LEPR: variants seen among roughly 807,000 people sequenced by gnomAD.
LEPR encodes OB receptor.
In LEPR, 56 loss-of-function variants were observed where a neutral mutation model predicts 114.7. That is an observed-to-expected ratio of 0.49 (90% CI 0.39 to 0.61). LEPR has a LOEUF of 0.61. LEPR is among the 20% of genes least tolerant of loss of function. The pLI, the probability that LEPR is intolerant of heterozygous loss-of-function variation, is 0.00. For missense variants in LEPR, 1,202 were observed against 1,352.9 expected (o/e 0.89, Z 1.75); for synonymous variants, 443 against 461.4 (o/e 0.96, Z 0.51).
chr1:65,571,971 C>CAAA lies in LEPR; in HGVS notation c.371-339_371-337dup, dbSNP rs72311704. Among the ~76,000 whole-genome samples, 21 of 60,654 alleles carry CAAA rather than the reference C, an allele frequency of 3.5e-4. 3 individuals are homozygous for CAAA. Among genetic ancestry groups the CAAA allele is most frequent in the East Asian group, 1.6e-3 (3 of 1,902 alleles). The allele number at this position is 60,654 out of a possible 152,430, so 39.8% of individuals were successfully genotyped here. A position where few individuals can be genotyped will look rare whatever the true frequency, so the allele number is the denominator to read the frequency against. ...TGGGTGACAGAGTGACACCCCATCT[C>CAAA]AAAAAAAAAAAAAAAAAAGGAAAGA... On this transcript the variant is annotated intron_variant, in intron 4 of 19. Coordinates refer to ENST00000349533, the MANE Select transcript of LEPR (RefSeq NM_002303.6).
chr1:65,591,579 T>A (rs1183485395), intron 5 of LEPR, among the ~76,000 whole-genome samples: 1 of 152,110 alleles, frequency 6.6e-6, no homozygotes, highest in African/African-American at 2.4e-5. Flanking sequence ...GAAATGATCA[T>A]CTTTATCCCA....
At chr1:65,552,154 A>T (rs1220851420) in intron 2 of LEPR, among the ~76,000 whole-genome samples, 1 of 152,084 alleles carries the variant, frequency 6.6e-6, no homozygotes, top group African/African-American at 2.4e-5. Flanking sequence ...AATAAGCGCG[A>T]TGTGGTGCTG....
intron 2 of LEPR, among the ~76,000 whole-genome samples, chr1:65,452,815 C>A (rs1007807349): frequency 1.3e-5 from 2 of 152,018 alleles, no homozygotes; most frequent in African/African-American, 4.8e-5. Context: ...GGGAGGATTC[C>A]CTCTTTTTCT....
chr1:65,521,677 AC>A (rs1649642225), intron 2 of LEPR, among the ~76,000 whole-genome samples: 1 of 152,252 alleles, frequency 6.6e-6, no homozygotes, highest in African/African-American at 2.4e-5. Flanking sequence ...GGCTCATTGA[AC>A]ACAATAGTTC....
chr1:65,486,155 C>A (rs1312035942), intron 2 of LEPR, among the ~76,000 whole-genome samples: 1 of 152,120 alleles, frequency 6.6e-6, no homozygotes, highest in Non-Finnish European at 1.5e-5. Context: ...CTTTATGCAA[C>A]TTTCATTCTC....
At chr1:65,532,325 C>T (rs895087171) in intron 2 of LEPR, among the ~76,000 whole-genome samples, 4 of 152,108 alleles carry the variant, frequency 2.6e-5, no homozygotes, top group African/African-American at 9.7e-5. Flanking sequence ...TGGAACTTTC[C>T]CATTTGGTGT....
intron 2 of LEPR, among the ~76,000 whole-genome samples, chr1:65,478,915 GA>G (rs1177112095): frequency 1.3e-5 from 2 of 152,062 alleles, no homozygotes; most frequent in African/African-American, 4.8e-5. Flanking sequence ...GAGTGGAGAA[GA>G]AAAAAATCAC....
At chr1:65,497,517 A>G (rs942483173) in intron 2 of LEPR, among the ~76,000 whole-genome samples, 1 of 152,128 alleles carries the variant, frequency 6.6e-6, no homozygotes, top group African/African-American at 2.4e-5. Flanking sequence ...TTGCTTTTAC[A>G]TGAATGTCAG....
intron 5 of LEPR, among the ~76,000 whole-genome samples, chr1:65,578,052 G>A (rs1022169482): frequency 2.6e-5 from 4 of 151,218 alleles, no homozygotes; most frequent in East Asian, 1.9e-4. Flanking sequence ...GAGTGAGAAC[G>A]TAGTGTTTGT....
intron 2 of LEPR, among the ~76,000 whole-genome samples, chr1:65,491,828 G>A (rs1444237458): frequency 6.6e-6 from 1 of 152,042 alleles, no homozygotes; most frequent in African/African-American, 2.4e-5. Context: ...AAAGTAAAAT[G>A]GATTGTTTCT....
At chr1:65,629,065 A>G (rs1210213592) in intron 19 of LEPR, among the ~76,000 whole-genome samples, 1 of 152,122 alleles carries the variant, frequency 6.6e-6, no homozygotes, top group Non-Finnish European at 1.5e-5. Context: ...TCTGGCTACA[A>G]CGAGGATTTA....
chr1:65,423,908 C>T (rs1490641601), intron 1 of LEPR, among the ~76,000 whole-genome samples: 2 of 152,164 alleles, frequency 1.3e-5, no homozygotes, highest in African/African-American at 2.4e-5. Context: ...ATACCTGAGT[C>T]AGTCAGCATT....
intron 19 of LEPR, among the ~76,000 whole-genome samples, chr1:65,626,727 C>T (rs907480174): frequency 5.3e-5 from 8 of 152,104 alleles, no homozygotes; most frequent in Admixed American, 5.2e-4. Context: ...ACTGCAGCCT[C>T]GACGTCCTTG....
At chr1:65,429,332 A>G (rs1646441418) in intron 2 of LEPR, among the ~76,000 whole-genome samples, 2 of 152,300 alleles carry the variant, frequency 1.3e-5, no homozygotes, top group South Asian at 2.1e-4. Context: ...CAAGGGACAG[A>G]AAAAAGGCTG....
chr1:65,478,653 C>G (rs535415902), intron 2 of LEPR, among the ~76,000 whole-genome samples: 5 of 152,012 alleles, frequency 3.3e-5, no homozygotes, highest in Non-Finnish European at 7.4e-5. Context: ...TCACTAAAAA[C>G]AAAAACAAAA....
chr1:65,433,402 C>G (rs775621467), intron 2 of LEPR: 18 of 985,320 alleles, frequency 1.8e-5, no homozygotes, highest in Non-Finnish European at 2.0e-5. Context: ...ACAGTTTTCC[C>G]TGCTCACCTT....
intron 2 of LEPR, chr1:65,427,830 C>G (rs572909355): frequency 2.5e-6 from 1 of 398,570 alleles, no homozygotes; most frequent in Non-Finnish European, 5.0e-6. Flanking sequence ...TTGTAGAGAC[C>G]GAGTCTCTCT....
At chr1:65,481,857 AC>A (rs1647250580) in intron 2 of LEPR, among the ~76,000 whole-genome samples, 1 of 150,912 alleles carries the variant, frequency 6.6e-6, no homozygotes, top group East Asian at 1.9e-4. Context: ...AAAAGTTAAA[AC>A]CCTAAACAAA....
At chr1:65,465,475 G>T (rs1353024472) in intron 2 of LEPR, among the ~76,000 whole-genome samples, 3 of 152,222 alleles carry the variant, frequency 2.0e-5, no homozygotes, top group African/African-American at 7.2e-5. Flanking sequence ...TAAGTGTGAT[G>T]TGGTGCTGGG....
Sources: gnomAD v4.1 joint callset for allele counts (sites outside exome capture counted in the v4.1 genomes callset) on GRCh38, gnomAD v4.1.1 for gene constraint, MANE v1.5 for transcripts, NCBI Gene and HGNC (gene_info 2026-07-23, HGNC 2026-07-21) for gene names.